The following PPP6R3 variants were observed in gnomAD, a reference collection of about 807,000 sequenced individuals.
PPP6R3 encodes protein phosphatase 6 regulatory subunit 3, also known as serine/threonine-protein phosphatase 6 regulatory subunit 3.
Under a neutral mutation model 110.7 loss-of-function variants are expected in PPP6R3, and 38 were observed. The ratio of observed to expected loss-of-function variants is 0.34; its 90% CI spans 0.26 to 0.45. The LOEUF is 0.45. Among genes scored for constraint, PPP6R3 ranks in the 20% least tolerant of loss-of-function variants. PPP6R3 has a pLI of 1.00. For missense variants in PPP6R3, 870 were observed against 1,062.4 expected (o/e 0.82, Z 2.52); for synonymous variants, 369 against 373.5 (o/e 0.99, Z 0.14).
rs769296530 is a variant in PPP6R3 at position 68,478,647 on chromosome 11, GTTTT to G, written c.-158+17842_-158+17845del. ...ACTGATGAGTTAGTGCACTTGGTAA[GTTTT>G]TTTTTTTTTTTTTTTTTTTTTGAGA... On this transcript the variant is annotated intron_variant, in intron 1 of 23. Coordinates refer to ENST00000393800, the MANE Select transcript of PPP6R3 (RefSeq NM_001164161.2). Among the ~76,000 whole-genome samples, 794 of 50,496 alleles carry G rather than the reference GTTTT, an allele frequency of 0.016. 32 individuals carry two copies. In the East Asian group the frequency reaches 0.23, roughly 14 times the overall value. 33.1% of individuals were successfully genotyped at this position (50,496 alleles called of 152,430 possible).
At chr11:68,496,494 A>G (rs1223589837) in intron 1 of PPP6R3, among the ~76,000 whole-genome samples, 1 of 151,150 alleles carries the variant, frequency 6.6e-6, no homozygotes, top group Non-Finnish European at 1.5e-5. Flanking sequence ...TTTTTTTTGG[A>G]GACAGTCTTA....
intron 1 of PPP6R3, among the ~76,000 whole-genome samples, chr11:68,497,653 C>G (rs111894262): frequency 0.012 from 1,886 of 152,340 alleles, 15 homozygotes; most frequent in African/African-American, 0.029. Context: ...CTGCGCCCAA[C>G]CTTGTACATA....
intron 1 of PPP6R3, among the ~76,000 whole-genome samples, chr11:68,513,540 G>C (rs936242888): frequency 4.6e-5 from 7 of 152,200 alleles, no homozygotes. Flanking sequence ...TAAAGAGTTT[G>C]AAGACCACAA....
In PPP6R3 at chr11:68,552,001, T is replaced by G. The variant is rs151234459; in HGVS notation, c.618+815T>G. Reference sequence around the variant, plus strand: ...CTAAAGGTTGACTTGGTTACAGGATTGAAGCTAGATTTGGAGTTTGCAGAT... The same window carrying G: ...CTAAAGGTTGACTTGGTTACAGGATGGAAGCTAGATTTGGAGTTTGCAGAT... On this transcript the variant is annotated intron_variant, in intron 6 of 23. Transcript: ENST00000393800. 1.7e-3 allele frequency among the ~76,000 whole-genome samples: 263 copies of G among 152,292 alleles called. 1 individual carries two copies. Among genetic ancestry groups the G allele is most frequent in the African/African-American group, 6.0e-3 (250 of 41,558 alleles).
intron 1 of PPP6R3, among the ~76,000 whole-genome samples, chr11:68,477,741 A>ATATATATATAT (rs1555021448): frequency 1.6e-3 from 93 of 57,888 alleles, no homozygotes; most frequent in Non-Finnish European, 2.2e-3. Context: ...AAAAAAAAAA[A>ATATATATATAT]ATATATATAT....
intron 21 of PPP6R3, 50 bp from the exon 22 acceptor site, chr11:68,603,292 A>C (rs749930659): frequency 4.4e-6 from 7 of 1,605,194 alleles, no homozygotes; most frequent in Middle Eastern, 2.0e-4. Flanking sequence ...GTGGGGTGCC[A>C]GTTCCTTTTC....
intron 1 of PPP6R3, among the ~76,000 whole-genome samples, chr11:68,487,443 G>T (rs1297272055): frequency 6.6e-6 from 1 of 151,970 alleles, no homozygotes; most frequent in East Asian, 1.9e-4. Context: ...GGTGGCACAT[G>T]CCTGTAATCC....
intron 1 of PPP6R3, among the ~76,000 whole-genome samples, chr11:68,481,748 A>G (rs2098914779): frequency 6.6e-6 from 1 of 152,246 alleles, no homozygotes; most frequent in Non-Finnish European, 1.5e-5. Context: ...AACCTTCAGC[A>G]GCCTGCCGTG....
At chr11:68,569,437 A>C (rs1245218860) in intron 10 of PPP6R3, among the ~76,000 whole-genome samples, 1 of 152,216 alleles carries the variant, frequency 6.6e-6, no homozygotes, top group Non-Finnish European at 1.5e-5. Flanking sequence ...ATAATAACTA[A>C]TAATAAAGTA....
rs937395217 is a variant in PPP6R3, at chr11:68,534,121, C to T, written c.-6-3538C>T. Among the ~76,000 whole-genome samples, 8 of 152,328 alleles carry T rather than the reference C, an allele frequency of 5.3e-5. No homozygotes were observed. The East Asian group carries it at 1.5e-3, about 29-fold the overall frequency. On this transcript the variant is annotated intron_variant, in intron 2 of 23. Coordinates refer to ENST00000393800, the MANE Select transcript of PPP6R3 (RefSeq NM_001164161.2). ...AAACTCTGTCATGTGGCCACACCTA[C>T]ACGGTGAGTGCCCCAGGAAGGGGAG...
intron 5 of PPP6R3, among the ~76,000 whole-genome samples, chr11:68,548,588 C>T (rs564079160): frequency 3.3e-5 from 5 of 152,116 alleles, no homozygotes; most frequent in Non-Finnish European, 5.9e-5. Flanking sequence ...TATGAGGCCA[C>T]GCTCTTCAGG....
At chr11:68,600,732 T>A (rs934960469) in intron 20 of PPP6R3, among the ~76,000 whole-genome samples, 4 of 152,168 alleles carry the variant, frequency 2.6e-5, no homozygotes, top group African/African-American at 9.7e-5. Flanking sequence ...ACAAAGTAGC[T>A]TGTGAGGATG....
rs919607473 is a variant in PPP6R3, at chr11:68,608,990, C to T, written c.2451-914C>T. On this transcript the variant is annotated intron_variant, in intron 22 of 23. Coordinates refer to ENST00000393800, the MANE Select transcript of PPP6R3 (RefSeq NM_001164161.2). Reference sequence around the variant, plus strand: ...TAAATTGCTTGGAACTATCTGGAAACGACCCAAGAATGCATCCTAATATGA... The same window carrying T: ...TAAATTGCTTGGAACTATCTGGAAATGACCCAAGAATGCATCCTAATATGA... Among the ~76,000 whole-genome samples the T allele has an allele frequency of 5.9e-5, 9 of 152,110 alleles. No individual in the cohort carries two copies. In the East Asian group the frequency reaches 1.3e-3, roughly 23 times the overall value.
chr11:68,470,934 A>G (rs1489816092), intron 1 of PPP6R3, among the ~76,000 whole-genome samples: 1 of 152,072 alleles, frequency 6.6e-6, no homozygotes, highest in Non-Finnish European at 1.5e-5. Flanking sequence ...GATTGGAGAT[A>G]TGCTGGATTG....
intron 18 of PPP6R3, among the ~76,000 whole-genome samples, chr11:68,593,507 A>G (rs976172329): frequency 3.3e-5 from 5 of 152,242 alleles, no homozygotes; most frequent in Non-Finnish European, 7.3e-5. Flanking sequence ...GTGATGTTAA[A>G]GGTGCATACT....
chr11:68,553,991 G>A (rs1385402285), intron 6 of PPP6R3, among the ~76,000 whole-genome samples, 154 bp from the exon 7 acceptor site: 2 of 152,152 alleles, frequency 1.3e-5, no homozygotes, highest in African/African-American at 4.8e-5. Context: ...TACAATACTT[G>A]TGATGTGATC....
chr11:68,528,435 G>GA (rs1555110064), intron 2 of PPP6R3, among the ~76,000 whole-genome samples: 1 of 83,626 alleles, frequency 1.2e-5, no homozygotes, highest in Non-Finnish European at 2.7e-5. Flanking sequence ...TGTGTGTGTG[G>GA]GGGGGGGGGC....
intron 1 of PPP6R3, among the ~76,000 whole-genome samples, chr11:68,477,741 A>AAAAAAAATATAT: frequency 5.9e-4 from 34 of 57,898 alleles, no homozygotes; most frequent in Non-Finnish European, 9.3e-4. Flanking sequence ...AAAAAAAAAA[A>AAAAAAAATATAT]ATATATATAT....
At chr11:68,502,208 A>G (rs1249368108) in intron 1 of PPP6R3, among the ~76,000 whole-genome samples, 1 of 152,214 alleles carries the variant, frequency 6.6e-6, no homozygotes, top group African/African-American at 2.4e-5. Flanking sequence ...CATAAAATTA[A>G]TTTTAATATG....
Sources: gnomAD v4.1 joint callset for allele counts (sites outside exome capture counted in the v4.1 genomes callset) on GRCh38, gnomAD v4.1.1 for gene constraint, MANE v1.5 for transcripts, NCBI Gene and HGNC (gene_info 2026-07-23, HGNC 2026-07-21) for gene names.